Variants in CLNK observed in about 807,000 individuals in gnomAD.
The protein encoded by CLNK is cytokine dependent hematopoietic cell linker, also known as cytokine-dependent hematopoietic cell linker.
Under a neutral mutation model 68.6 loss-of-function variants are expected in CLNK, and 74 were observed. The ratio of observed to expected loss-of-function variants is 1.08; its 90% CI spans 0.89 to 1.31. The LOEUF is 1.31. Among genes scored for constraint, CLNK ranks in the 50% most tolerant of loss-of-function variants. The pLI, the probability that CLNK is intolerant of heterozygous loss-of-function variation, is 0.00. For missense variants in CLNK, 553 were observed against 515.3 expected, an observed-to-expected ratio of 1.07 and a Z score of -0.71; for synonymous variants, 198 against 172.2, an observed-to-expected ratio of 1.15 and a Z score of -1.17.
At chr4:10,528,380 C>T (rs112108556) in intron 12 of CLNK, among the ~76,000 whole-genome samples, 1 of 152,176 alleles carries the variant, frequency 6.6e-6, no homozygotes, top group Non-Finnish European at 1.5e-5. Context: ...TATCAAAAAC[C>T]TTAGAAATAC....
chr4:10,587,898 T>C (rs1217865600), intron 3 of CLNK, among the ~76,000 whole-genome samples: 1 of 152,206 alleles, frequency 6.6e-6, no homozygotes, highest in Non-Finnish European at 1.5e-5. Context: ...AGAGCCCTTG[T>C]GGTTAACAGT....
chr4:10,718,860 TATTC>T, the CLNK span, among the ~76,000 whole-genome samples: 3 of 152,050 alleles, frequency 2.0e-5, no homozygotes, highest in Non-Finnish European at 4.4e-5. Context: ...ATAAAGGAAA[TATTC>T]ATGATAATTA....
chr4:10,533,268 A>C (rs1392564708), intron 11 of CLNK, among the ~76,000 whole-genome samples: 1 of 152,152 alleles, frequency 6.6e-6, no homozygotes, highest in African/African-American at 2.4e-5. Context: ...CAAAACAAAC[A>C]AACAAACAAA....
chr4:10,529,650 G>A (rs889755322), intron 12 of CLNK, among the ~76,000 whole-genome samples: 2 of 152,178 alleles, frequency 1.3e-5, no homozygotes, highest in African/African-American at 4.8e-5. Flanking sequence ...CTAGTGGGTG[G>A]TTTGAAAGTA....
chr4:10,514,734 A>G (rs541384083), intron 15 of CLNK, among the ~76,000 whole-genome samples: 1 of 151,314 alleles, frequency 6.6e-6, no homozygotes, highest in South Asian at 2.1e-4. Context: ...TGGCAACCAA[A>G]GCCAAAATTG....
chr4:10,523,053 T>A (rs561935324), intron 14 of CLNK, among the ~76,000 whole-genome samples: 4 of 152,272 alleles, frequency 2.6e-5, no homozygotes, highest in Admixed American at 2.6e-4. Context: ...GCTAGTGCAA[T>A]AGTCCAGGTA....
At chr4:10,657,549 A>G (rs930130930) in intron 2 of CLNK, among the ~76,000 whole-genome samples, 1 of 152,264 alleles carries the variant, frequency 6.6e-6, no homozygotes, top group African/African-American at 2.4e-5. Flanking sequence ...ATGTTTCTTC[A>G]TCATAAAACT....
intron 4 of CLNK, among the ~76,000 whole-genome samples, chr4:10,577,179 C>A (rs1180952840): frequency 6.6e-6 from 1 of 152,200 alleles, no homozygotes. Flanking sequence ...TAGACATTCT[C>A]AAGCCAGACA....
At chr4:10,553,317 T>C (rs915099340) in intron 8 of CLNK, among the ~76,000 whole-genome samples, 61 of 152,194 alleles carry the variant, frequency 4.0e-4, no homozygotes, top group African/African-American at 1.2e-3. Flanking sequence ...TTACAAATGC[T>C]CCGTGCCATA....
upstream of CLNK, chr4:10,684,955 T>A (rs1174545773): frequency 6.6e-6 from 1 of 152,292 alleles, no homozygotes; most frequent in Middle Eastern, 3.4e-3. Flanking sequence ...GGCTGAAATC[T>A]TCCAATGCAA....
At chr4:10,649,423 C>T (rs940331837) in intron 2 of CLNK, among the ~76,000 whole-genome samples, 1 of 152,130 alleles carries the variant, frequency 6.6e-6, no homozygotes, top group African/African-American at 2.4e-5. Flanking sequence ...TCCTTGGTTG[C>T]TTTGCCAACA....
At chr4:10,723,919 A>AGAGACAGAG in the CLNK span, among the ~76,000 whole-genome samples, 2 of 148,022 alleles carry the variant, frequency 1.4e-5, no homozygotes, top group Non-Finnish European at 3.0e-5. Flanking sequence ...AGAGAGAGAG[A>AGAGACAGAG]AGGCAGGGCA....
At chr4:10,631,973 C>T (rs1394377904) in intron 2 of CLNK, among the ~76,000 whole-genome samples, 3 of 152,198 alleles carry the variant, frequency 2.0e-5, no homozygotes, top group African/African-American at 7.2e-5. Context: ...TCAAGGTGCG[C>T]ATTACCTGAT....
At chr4:10,693,445 C>G in the CLNK span, among the ~76,000 whole-genome samples, 2 of 152,196 alleles carry the variant, frequency 1.3e-5, no homozygotes, top group Non-Finnish European at 2.9e-5. Context: ...GAGAAGACAG[C>G]CATGGGAAGA....
intron 18 of CLNK, among the ~76,000 whole-genome samples, chr4:10,500,756 T>C (rs1475683461): frequency 6.6e-6 from 1 of 152,200 alleles, no homozygotes; most frequent in Admixed American, 6.5e-5. Flanking sequence ...TTGATTTATG[T>C]TATTCACGAA....
At chr4:10,641,163 G>T (rs1383523324) in intron 2 of CLNK, among the ~76,000 whole-genome samples, 1 of 152,188 alleles carries the variant, frequency 6.6e-6, no homozygotes, top group Non-Finnish European at 1.5e-5. Context: ...CCTCCTGAGG[G>T]ACAGTTGGAG....
chr4:10,699,252 C>CGTATGTGTGTATACACACACACACCAT, the CLNK span, among the ~76,000 whole-genome samples: 271 of 60,010 alleles, frequency 4.5e-3, 31 homozygotes, highest in African/African-American at 0.012. Context: ...ATACACACCA[C>CGTATGTGTGTATACACACACACACCAT]GTATGTGTGT....
intron 3 of CLNK, among the ~76,000 whole-genome samples, chr4:10,587,050 C>T (rs112034801): frequency 2.8e-4 from 43 of 152,086 alleles, no homozygotes; most frequent in Non-Finnish European, 4.7e-4. Flanking sequence ...CTGCAACCTC[C>T]GCCTCCCACG....
chr4:10,581,036 TTGTATTTCTAC>T (rs1299315088), intron 4 of CLNK, among the ~76,000 whole-genome samples: 6 of 152,220 alleles, frequency 3.9e-5, no homozygotes, highest in Non-Finnish European at 7.3e-5. Context: ...ATCTTTTATG[TTGTATTTCTAC>T]TGTACCTTTT....
Sources: allele counts gnomAD v4.1 joint callset (sites outside exome capture counted in the v4.1 genomes callset), GRCh38; gene constraint gnomAD v4.1.1; transcripts MANE v1.5; gene names NCBI Gene and HGNC (gene_info 2026-07-23, HGNC 2026-07-21).